The following LYPLA1 variants were observed in gnomAD, a reference collection of about 807,000 sequenced individuals.
LYPLA1 encodes lysophospholipase 1, also known as acyl-protein thioesterase 1.
In LYPLA1, 17 loss-of-function variants were observed where a neutral mutation model predicts 34.0. The observed-to-expected ratio is 0.50, with a 90% CI of 0.34 to 0.75. The LOEUF (loss-of-function observed/expected upper bound fraction) is 0.75. LYPLA1 is among the 30% of genes least tolerant of loss of function. The pLI, the probability that LYPLA1 is intolerant of heterozygous loss-of-function variation, is 0.01. For synonymous variants in LYPLA1, 98 were observed against 100.8 expected, an observed-to-expected ratio of 0.97 and a Z score of 0.17; for missense variants, 203 against 288.8, an observed-to-expected ratio of 0.70 and a Z score of 2.15.
chr8:54,060,189 G>A (rs959245047), intron 5 of LYPLA1, among the ~76,000 whole-genome samples: 3 of 151,940 alleles, frequency 2.0e-5, no homozygotes, highest in Non-Finnish European at 2.9e-5. Flanking sequence ...GCAACAGTGG[G>A]ATCTCAGCTC....
At chr8:54,084,816 T>C (rs1363545224) in intron 2 of LYPLA1, among the ~76,000 whole-genome samples, 1 of 152,190 alleles carries the variant, frequency 6.6e-6, no homozygotes, top group Non-Finnish European at 1.5e-5. Context: ...ATTCCTAGAA[T>C]GACACAAACT....
intron 2 of LYPLA1, among the ~76,000 whole-genome samples, chr8:54,097,890 T>C (rs1404418524): frequency 6.6e-6 from 1 of 152,232 alleles, no homozygotes; most frequent in African/African-American, 2.4e-5. Context: ...TCTCTTGCAC[T>C]TTGGGGCCAT....
At chr8:54,096,453 A>C (rs910358898) in intron 2 of LYPLA1, among the ~76,000 whole-genome samples, 3 of 152,102 alleles carry the variant, frequency 2.0e-5, no homozygotes, top group African/African-American at 7.2e-5. Flanking sequence ...AACTACAAAA[A>C]TCTGACTGGA....
intron 1 of LYPLA1, chr8:54,101,534 G>A: frequency 8.8e-7 from 1 of 1,141,434 alleles, no homozygotes; most frequent in Non-Finnish European, 1.1e-6. Context: ...CCTCCGCAAT[G>A]CAGGGAGGAG....
At chr8:54,088,684 C>G (rs773553893) in intron 2 of LYPLA1, among the ~76,000 whole-genome samples, 1 of 152,170 alleles carries the variant, frequency 6.6e-6, no homozygotes, top group Non-Finnish European at 1.5e-5. Flanking sequence ...TAGTATTACT[C>G]ATTAGAGTAA....
At chr8:54,073,257 G>A (rs1196136580) in intron 2 of LYPLA1, 1 of 876,224 alleles carries the variant, frequency 1.1e-6, no homozygotes, top group East Asian at 2.4e-5. Flanking sequence ...CCTGCTGTCT[G>A]AATGGGGGAA....
chr8:54,048,142 T>C (rs1805595122), intron 8 of LYPLA1, 24 bp from the exon 9 acceptor site: 1 of 1,460,634 alleles, frequency 6.8e-7, no homozygotes, highest in East Asian at 2.3e-5. Flanking sequence ...AGTAATTTAA[T>C]AGGTAGGTAG....
chr8:54,070,357 A>T (rs1056302193), intron 2 of LYPLA1, among the ~76,000 whole-genome samples: 1 of 152,124 alleles, frequency 6.6e-6, no homozygotes, highest in Admixed American at 6.5e-5. Context: ...CTTGTACACA[A>T]ATGTTCTTTT....
chr8:54,055,863 G>A (rs549141102), intron 5 of LYPLA1, among the ~76,000 whole-genome samples: 42 of 151,786 alleles, frequency 2.8e-4, no homozygotes, highest in Non-Finnish European at 5.9e-5. Context: ...CAGGATGGTC[G>A]ATCTCCTGAA....
At chr8:54,075,497 G>A (rs970442183) in intron 2 of LYPLA1, among the ~76,000 whole-genome samples, 5 of 152,206 alleles carry the variant, frequency 3.3e-5, no homozygotes, top group Non-Finnish European at 4.4e-5. Context: ...AGCAACACCC[G>A]AACAGAGCCA....
chr8:54,101,631 C>G, intron 1 of LYPLA1, 124 bp downstream of exon 1: 1 of 1,151,382 alleles, frequency 8.7e-7, no homozygotes, highest in Non-Finnish European at 1.1e-6. Flanking sequence ...CGCACCCCAC[C>G]CGGGCCGGGA....
At chr8:54,052,631 T>C (rs917606604) in intron 7 of LYPLA1, 24 bp downstream of exon 7, 11 of 1,473,950 alleles carry the variant, frequency 7.5e-6, no homozygotes, top group Non-Finnish European at 7.6e-6. Context: ...AGTAATCTCA[T>C]GTTGAGTGCA....
chr8:54,081,515 T>C (rs952367283), intron 2 of LYPLA1, among the ~76,000 whole-genome samples: 1 of 151,832 alleles, frequency 6.6e-6, no homozygotes, highest in African/African-American at 2.4e-5. Context: ...CAGCCTGTAA[T>C]CTCTTCACTG....
At chr8:54,082,775 A>G (rs755039325) in intron 2 of LYPLA1, among the ~76,000 whole-genome samples, 56 of 152,088 alleles carry the variant, frequency 3.7e-4, no homozygotes, top group Non-Finnish European at 1.0e-4. Flanking sequence ...TGCCCAGGCT[A>G]GAGTGCAGTG....
intron 2 of LYPLA1, among the ~76,000 whole-genome samples, chr8:54,083,234 T>G (rs988290725): frequency 2.0e-5 from 3 of 152,144 alleles, no homozygotes; most frequent in Non-Finnish European, 2.9e-5. Context: ...GGTGAAGAAA[T>G]GACTGCTGTG....
At chr8:54,097,631 T>C (rs1343350016) in intron 2 of LYPLA1, among the ~76,000 whole-genome samples, 2 of 152,248 alleles carry the variant, frequency 1.3e-5, no homozygotes, top group Non-Finnish European at 2.9e-5. Context: ...CCCACAGTTT[T>C]GTTTTCCATG....
At position 54,063,345 on chromosome 8, in the gene LYPLA1, G is replaced by A. The variant is rs765399653; in HGVS notation, c.198C>T (p.Asn66=). The A allele has an allele frequency of 7.2e-6, 11 of 1,534,492 alleles. No homozygotes were observed. The highest frequency in any genetic ancestry group is 4.9e-5 in the East Asian group (2 of 40,948). ...APVRPVTLNM[N]VAMPSWFDII... Reference sequence around the variant, plus strand: ...TTACTTACCATGAAGGCATAGCCACGTTCATATTTAATGTAACAGGCCTAA... The same window carrying A: ...TTACTTACCATGAAGGCATAGCCACATTCATATTTAATGTAACAGGCCTAA... The change falls in exon 4 of 9, where the codon AAC becomes AAT. Residue 66 remains asparagine (N), a synonymous_variant. Transcript: ENST00000316963.
chr8:54,099,788 ATTCTC>A (rs1438959853), intron 2 of LYPLA1, among the ~76,000 whole-genome samples: 1 of 151,224 alleles, frequency 6.6e-6, no homozygotes, highest in Non-Finnish European at 1.5e-5. Context: ...GGTTCAAGTG[ATTCTC>A]TTCTCTCAGC....
At position 54,081,486 on chromosome 8, in the gene LYPLA1, G is replaced by A. The variant is rs371380933; in HGVS notation, c.102-15673C>T. ...TTTATTCTGAAACACAGTCTTGCTCGGTCACCCAGGATGGAGTGCAGCCTG... is the reference window on the plus strand; with the variant it reads ...TTTATTCTGAAACACAGTCTTGCTCAGTCACCCAGGATGGAGTGCAGCCTG... On this transcript the variant is annotated intron_variant, in intron 2 of 8. Transcript: ENST00000316963. 3.2e-4 allele frequency among the ~76,000 whole-genome samples: 48 copies of A among 151,364 alleles called. No individual in the cohort carries two copies. The East Asian group carries it at 6.6e-3, about 21-fold the overall frequency.
Sources: allele counts gnomAD v4.1 joint callset (sites outside exome capture counted in the v4.1 genomes callset), GRCh38; gene constraint gnomAD v4.1.1; transcripts MANE v1.5; gene names NCBI Gene and HGNC (gene_info 2026-07-23, HGNC 2026-07-21).